Variants in ZNF875 observed in about 807,000 individuals in gnomAD.
ZNF875 encodes the protein HKR1, GLI-Kruppel zinc finger family member.
Under a neutral mutation model 11.2 loss-of-function variants are expected in ZNF875, and 14 were observed. That is an observed-to-expected ratio of 1.26 (90% CI 0.83 to 1.96). ZNF875 has a LOEUF of 1.96. Ranked by LOEUF, ZNF875 falls within the 30% of genes most tolerant of loss-of-function variation. The probability of loss-of-function intolerance (pLI) is 0.00; values close to 1 mark genes in which losing one functional copy is unlikely to be tolerated. For synonymous variants in ZNF875, 301 were observed against 281.1 expected, an observed-to-expected ratio of 1.07 and a Z score of -0.71; for missense variants, 752 against 760.4, an observed-to-expected ratio of 0.99 and a Z score of 0.13.
At chr19:37,321,549 T>A (rs2031457325) in intron 1 of ZNF875, among the ~76,000 whole-genome samples, 1 of 152,142 alleles carries the variant, frequency 6.6e-6, no homozygotes, top group Admixed American at 6.6e-5. Context: ...GGGTCCTCTG[T>A]ATGCTGAGCG....
intron 4 of ZNF875, among the ~76,000 whole-genome samples, chr19:37,327,644 A>G (rs1427644917): frequency 6.6e-6 from 1 of 151,648 alleles, no homozygotes; most frequent in Non-Finnish European, 1.5e-5. Flanking sequence ...GCAGGCCTGT[A>G]ATCCCAGCTA....
intron 4 of ZNF875, among the ~76,000 whole-genome samples, chr19:37,351,347 T>C (rs1383027151): frequency 6.6e-6 from 1 of 152,134 alleles, no homozygotes. Flanking sequence ...TATCTAAAGG[T>C]TTATTAATTT....
chr19:37,340,926 G>A (rs1190683288), intron 2 of ZNF875, among the ~76,000 whole-genome samples: 1 of 152,114 alleles, frequency 6.6e-6, no homozygotes, highest in Non-Finnish European at 1.5e-5. Context: ...GGGATTACAG[G>A]CGTGAGCCAC....
intron 1 of ZNF875, among the ~76,000 whole-genome samples, chr19:37,321,499 T>C (rs1467856240): frequency 1.3e-5 from 2 of 152,190 alleles, no homozygotes; most frequent in African/African-American, 4.8e-5. Flanking sequence ...GAGATAATGA[T>C]CAATAAATAC....
intron 4 of ZNF875, among the ~76,000 whole-genome samples, chr19:37,354,602 T>C (rs9304566): frequency 0.21 from 31,747 of 151,892 alleles, 3,533 homozygotes; most frequent in South Asian, 0.31. Context: ...AGAATAAATA[T>C]ATATGGTGCA....
chr19:37,347,625 C>T (rs1015373620), intron 3 of ZNF875, 152 bp from the exon 4 acceptor site: 12 of 628,304 alleles, frequency 1.9e-5, no homozygotes, highest in African/African-American at 3.7e-5. Flanking sequence ...ACTGGAGTCA[C>T]CTTTCCTTAG....
At chr19:37,351,384 T>C (rs1222804875) in intron 4 of ZNF875, among the ~76,000 whole-genome samples, 2 of 152,192 alleles carry the variant, frequency 1.3e-5, no homozygotes, top group Non-Finnish European at 2.9e-5. Flanking sequence ...GAGTCAACTT[T>C]TGGTTTCATT....
intron 4 of ZNF875, among the ~76,000 whole-genome samples, chr19:37,354,278 CCCCTCCTCTT>C (rs2038510232): frequency 8.2e-6 from 1 of 121,882 alleles, no homozygotes; most frequent in Non-Finnish European, 1.7e-5. Context: ...CCCCTCCCCT[CCCCTCCTCTT>C]GTTTCTGTGG....
chr19:37,362,954 T>G lies in ZNF875; in HGVS notation c.1102T>G (p.Cys368Gly). 1 of 1,614,062 alleles carries G rather than the reference T, an allele frequency of 6.2e-7. No homozygotes were observed. The highest frequency in any genetic ancestry group is 8.5e-7 in the Non-Finnish European group (1 of 1,180,010). Residue 368 changes from cysteine to glycine, a missense_variant, in exon 5 of 5, where the codon TGC becomes GGC. By Grantham distance (159) the Cys-to-Gly change is radical. Coordinates refer to ENST00000392153, the MANE Select transcript of ZNF875 (RefSeq NM_001353803.2). The part of the protein sequence containing the change: ...RAHTGEKPYV[C>G]RECGRGFRQH... ...GCACACTGGGGAGAAGCCTTATGTT[T>G]GCAGGGAATGTGGGCGTGGCTTTCG...
chr19:37,342,607 T>A (rs1277296722), intron 2 of ZNF875, among the ~76,000 whole-genome samples: 1 of 151,996 alleles, frequency 6.6e-6, no homozygotes, highest in African/African-American at 2.4e-5. Flanking sequence ...AGACGGGGTT[T>A]CTCCATGTTG....
upstream of ZNF875, among the ~76,000 whole-genome samples, chr19:37,334,165 C>G (rs1018313467): frequency 4.6e-5 from 7 of 152,198 alleles, no homozygotes; most frequent in Non-Finnish European, 7.3e-5. Flanking sequence ...GGTTCCCTGT[C>G]CTGGTACACC....
chr19:37,359,234 A>T (rs1157709211), intron 4 of ZNF875, among the ~76,000 whole-genome samples: 1 of 151,938 alleles, frequency 6.6e-6, no homozygotes, highest in Non-Finnish European at 1.5e-5. Context: ...TAGTAAACTT[A>T]TAGAGTTATA....
At chr19:37,335,099 C>T (rs1013968513) in intron 1 of ZNF875, 70 bp from the exon 2 acceptor site, 1 of 646,394 alleles carries the variant, frequency 1.5e-6, no homozygotes, top group Non-Finnish European at 2.9e-6. Context: ...GGCTCTGGAG[C>T]GGACTGCGCT....
upstream of ZNF875, among the ~76,000 whole-genome samples, chr19:37,333,887 C>A (rs2033777767): frequency 6.6e-6 from 1 of 152,050 alleles, no homozygotes; most frequent in Non-Finnish European, 1.5e-5. Context: ...AACGGTCAGA[C>A]TTATGCCTCC....
chr19:37,336,551 G>A (rs907308115), intron 2 of ZNF875, among the ~76,000 whole-genome samples: 10 of 149,672 alleles, frequency 6.7e-5, no homozygotes, highest in Non-Finnish European at 1.2e-4. Flanking sequence ...CACCCACCTC[G>A]GCCTCCCAAA....
chr19:37,343,556 G>C (rs768634821), intron 2 of ZNF875, among the ~76,000 whole-genome samples: 20 of 152,234 alleles, frequency 1.3e-4, no homozygotes, highest in Non-Finnish European at 2.2e-4. Flanking sequence ...TGACAGCTTG[G>C]TTGGCTGGGA....
At position 37,335,162 on chromosome 19, in the gene ZNF875, T is replaced by C. The variant is rs1357989433; in HGVS notation, c.-56-7T>C. On this transcript the variant is annotated splice_polypyrimidine_tract_variant and splice_region_variant and intron_variant, in intron 1 of 4. Coordinates refer to ENST00000392153, the MANE Select transcript of ZNF875 (RefSeq NM_001353803.2). ...TAGGCCACTCTTATTTCTCTTCACATCCCCAGATCTGTCTTCTGAGACTTT... is the reference window on the plus strand; with the variant it reads ...TAGGCCACTCTTATTTCTCTTCACACCCCCAGATCTGTCTTCTGAGACTTT... The C allele has an allele frequency of 8.6e-6, 6 of 699,358 alleles. No homozygotes were observed. The highest frequency in any genetic ancestry group is 2.0e-5 in the Admixed American group (1 of 49,898). 43.3% of individuals were successfully genotyped at this position (699,358 alleles called of 1,614,324 possible). A position where few individuals can be genotyped will look rare whatever the true frequency, so the allele number is the denominator to read the frequency against.
At chr19:37,322,592 C>G (rs759453250) in intron 2 of ZNF875, among the ~76,000 whole-genome samples, 1 of 152,182 alleles carries the variant, frequency 6.6e-6, no homozygotes, top group African/African-American at 2.4e-5. Context: ...CATCAGTGAA[C>G]TACTCTGTAT....
intron 1 of ZNF875, among the ~76,000 whole-genome samples, chr19:37,318,810 C>T (rs562551392): frequency 2.0e-5 from 3 of 151,534 alleles, no homozygotes; most frequent in South Asian, 4.2e-4. Flanking sequence ...TGTGAGCCAC[C>T]GCGCCCAGCT....
Sources: gnomAD v4.1 joint callset for allele counts (sites outside exome capture counted in the v4.1 genomes callset) on GRCh38, gnomAD v4.1.1 for gene constraint, MANE v1.5 for transcripts, NCBI Gene and HGNC (gene_info 2026-07-23, HGNC 2026-07-21) for gene names.